CACNA2D3: variants seen among roughly 807,000 people sequenced by gnomAD.
CACNA2D3 encodes voltage-dependent calcium channel subunit alpha-2/delta-3.
A neutral mutation model predicts 160.6 loss-of-function variants in CACNA2D3; 60 were observed. The observed-to-expected ratio is 0.37, with a 90% CI of 0.30 to 0.46. CACNA2D3 has a LOEUF of 0.46. Ranked by LOEUF, CACNA2D3 falls within the 20% of genes least tolerant of loss-of-function variation. The probability of loss-of-function intolerance (pLI) is 1.00; values close to 1 mark genes in which losing one functional copy is unlikely to be tolerated. For missense variants in CACNA2D3, 1,205 were observed against 1,365.0 expected, an observed-to-expected ratio of 0.88 and a Z score of 1.85; for synonymous variants, 558 against 492.9, an observed-to-expected ratio of 1.13 and a Z score of -1.75.
chr3:54,681,767 C>T (rs935936721), intron 11 of CACNA2D3, among the ~76,000 whole-genome samples: 2 of 152,098 alleles, frequency 1.3e-5, no homozygotes, highest in African/African-American at 4.8e-5. Context: ...CAACCTCTGC[C>T]TCCTGGGGTC....
chr3:54,646,866 A>G (rs1699663377), intron 11 of CACNA2D3, among the ~76,000 whole-genome samples: 1 of 151,630 alleles, frequency 6.6e-6, no homozygotes, highest in South Asian at 2.1e-4. Flanking sequence ...ACTAATTTAC[A>G]CTCCTGGGTG....
chr3:54,413,801 GT>G (rs1033012542), intron 4 of CACNA2D3, among the ~76,000 whole-genome samples: 5 of 147,060 alleles, frequency 3.4e-5, no homozygotes, highest in African/African-American at 7.5e-5. Context: ...CACTGATTAT[GT>G]TTTTTTTTAA....
In CACNA2D3 at chr3:55,000,866, C is replaced by T. The variant is rs1468795933; in HGVS notation, c.2691-3897C>T. Among the ~76,000 whole-genome samples the T allele has an allele frequency of 2.0e-5, 3 of 152,146 alleles. No homozygotes were observed. In the East Asian group the frequency reaches 5.8e-4, roughly 29 times the overall value. On this transcript the variant is annotated intron_variant, in intron 31 of 37. Transcript: ENST00000474759. Reference sequence around the variant, plus strand: ...TCCAATAAGACCCTGGGCTGGGGAACAGGTCTGAAGCCTAAGCATTTCTTA... The same window carrying T: ...TCCAATAAGACCCTGGGCTGGGGAATAGGTCTGAAGCCTAAGCATTTCTTA...
chr3:54,227,350 C>G (rs558429263), intron 2 of CACNA2D3, among the ~76,000 whole-genome samples: 1 of 152,060 alleles, frequency 6.6e-6, no homozygotes, highest in Non-Finnish European at 1.5e-5. Flanking sequence ...TTAGTAGCCT[C>G]CTAAAGTTCA....
intron 11 of CACNA2D3, among the ~76,000 whole-genome samples, chr3:54,657,756 C>T: frequency 6.6e-6 from 1 of 152,144 alleles, no homozygotes; most frequent in Non-Finnish European, 1.5e-5. Context: ...AGGTCAGGTG[C>T]AGTGGCTCAC....
At chr3:54,319,042 C>T (rs1559448213) in intron 2 of CACNA2D3, among the ~76,000 whole-genome samples, 1 of 151,978 alleles carries the variant, frequency 6.6e-6, no homozygotes, top group Non-Finnish European at 1.5e-5. Context: ...TCGTTGCTTT[C>T]CTTAGAGTTC....
At chr3:54,412,376 G>T (rs963984413) in intron 4 of CACNA2D3, among the ~76,000 whole-genome samples, 2 of 151,880 alleles carry the variant, frequency 1.3e-5, no homozygotes, top group African/African-American at 2.4e-5. Context: ...TATCTGTTTA[G>T]TTCTGATGGA....
At chr3:54,827,698 T>C (rs946405128) in intron 14 of CACNA2D3, among the ~76,000 whole-genome samples, 1 of 152,234 alleles carries the variant, frequency 6.6e-6, no homozygotes, top group Non-Finnish European at 1.5e-5. Flanking sequence ...GACTGTATAA[T>C]GTGAAAGAGG....
intron 9 of CACNA2D3, among the ~76,000 whole-genome samples, chr3:54,595,352 GTGTA>G (rs1446159349): frequency 1.3e-5 from 2 of 151,464 alleles, no homozygotes; most frequent in East Asian, 3.9e-4. Context: ...GTGTGTGTGT[GTGTA>G]TGGTTGTGGA....
At chr3:54,413,721 T>G (rs977035223) in intron 4 of CACNA2D3, among the ~76,000 whole-genome samples, 3 of 151,626 alleles carry the variant, frequency 2.0e-5, no homozygotes, top group African/African-American at 7.2e-5. Context: ...TATATTGTAT[T>G]TTTAGTTCCT....
At chr3:54,779,988 C>G (rs1702501650) in intron 13 of CACNA2D3, among the ~76,000 whole-genome samples, 1 of 152,144 alleles carries the variant, frequency 6.6e-6, no homozygotes, top group African/African-American at 2.4e-5. Context: ...TCAGAGAGGC[C>G]AAGTGGCTTG....
intron 4 of CACNA2D3, among the ~76,000 whole-genome samples, chr3:54,415,658 T>A (rs1005858929): frequency 1.6e-4 from 24 of 152,190 alleles, no homozygotes; most frequent in African/African-American, 4.1e-4. Flanking sequence ...GTGGCATAAG[T>A]CCTTCACAGA....
At chr3:54,249,018 TTGTCA>T (rs1702133010) in intron 2 of CACNA2D3, among the ~76,000 whole-genome samples, 1 of 152,228 alleles carries the variant, frequency 6.6e-6, no homozygotes, top group Non-Finnish European at 1.5e-5. Flanking sequence ...TGTTATCCTC[TTGTCA>T]TGTAATGTAA....
At chr3:54,166,605 A>G (rs1223053412) in intron 2 of CACNA2D3, among the ~76,000 whole-genome samples, 6 of 152,108 alleles carry the variant, frequency 3.9e-5, no homozygotes, top group Non-Finnish European at 7.4e-5. Flanking sequence ...GGAAGATTTT[A>G]TTTTCTTCCC....
chr3:54,325,213 C>T (rs919014381), intron 3 of CACNA2D3, among the ~76,000 whole-genome samples: 4 of 152,258 alleles, frequency 2.6e-5, no homozygotes, highest in South Asian at 2.1e-4. Flanking sequence ...GAAGTAACTG[C>T]GTAACCACGG....
At chr3:54,933,051 C>CCCTT (rs60554563) in intron 27 of CACNA2D3, among the ~76,000 whole-genome samples, 1,399 of 139,376 alleles carry the variant, frequency 0.01, 17 homozygotes, top group South Asian at 0.03. Context: ...ATCCATCCCT[C>CCCTT]CCTTCCTTCC....
intron 4 of CACNA2D3, among the ~76,000 whole-genome samples, chr3:54,484,748 TCTTA>T (rs1700989780): frequency 6.6e-6 from 1 of 152,248 alleles, no homozygotes; most frequent in African/African-American, 2.4e-5. Context: ...GTGATTTATT[TCTTA>T]CTTAAATTGG....
intron 3 of CACNA2D3, among the ~76,000 whole-genome samples, chr3:54,352,656 G>A (rs750080459): frequency 1.1e-4 from 16 of 152,204 alleles, no homozygotes; most frequent in Non-Finnish European, 2.4e-4. Flanking sequence ...AGCCCCCGCA[G>A]TTTGGGGTAC....
chr3:54,376,678 C>T (rs578078602), intron 3 of CACNA2D3, among the ~76,000 whole-genome samples: 6 of 152,238 alleles, frequency 3.9e-5, no homozygotes, highest in African/African-American at 1.2e-4. Flanking sequence ...TGTAATTCTT[C>T]CCACATAATT....
Sources: allele counts gnomAD v4.1 joint callset (sites outside exome capture counted in the v4.1 genomes callset), GRCh38; gene constraint gnomAD v4.1.1; transcripts MANE v1.5; gene names NCBI Gene and HGNC (gene_info 2026-07-23, HGNC 2026-07-21).